CSMD1: variants seen among roughly 807,000 people sequenced by gnomAD.
The protein encoded by CSMD1 is CUB and Sushi multiple domains 1, also known as CUB and sushi domain-containing protein 1.
Under a neutral mutation model 417.5 loss-of-function variants are expected in CSMD1, and 213 were observed. That is an observed-to-expected ratio of 0.51 (90% CI 0.46 to 0.57). The LOEUF (loss-of-function observed/expected upper bound fraction) is 0.57. CSMD1 is among the 20% of genes least tolerant of loss of function. CSMD1 has a pLI of 0.00. For missense variants in CSMD1, 6,923 were observed against 4,529.7 expected (o/e 1.53, Z -15.17); for synonymous variants, 2,862 against 1,736.8 (o/e 1.65, Z -16.11).
intron 17 of CSMD1, among the ~76,000 whole-genome samples, chr8:3,390,003 G>C (rs1811250309): frequency 6.6e-6 from 1 of 152,096 alleles, no homozygotes; most frequent in African/African-American, 2.4e-5. Flanking sequence ...TCGATTTCCA[G>C]TTCAACTGAA....
chr8:4,334,652 A>T (rs931027833), intron 3 of CSMD1, among the ~76,000 whole-genome samples: 2 of 152,150 alleles, frequency 1.3e-5, no homozygotes, highest in African/African-American at 2.4e-5. Flanking sequence ...TATACCTTCT[A>T]TGGTTAGAGA....
intron 33 of CSMD1, among the ~76,000 whole-genome samples, chr8:3,193,543 A>G (rs1226168171): frequency 2.6e-5 from 4 of 151,910 alleles, no homozygotes; most frequent in Non-Finnish European, 5.9e-5. Context: ...CTTCACCTGG[A>G]CATTTCAGAC....
chr8:4,029,446 G>T (rs1451249225), intron 4 of CSMD1, among the ~76,000 whole-genome samples: 1 of 152,152 alleles, frequency 6.6e-6, no homozygotes, highest in Non-Finnish European at 1.5e-5. Flanking sequence ...ATAGCAGCAG[G>T]CAAAGTCAGC....
chr8:4,903,081 T>C (rs1313619670), intron 1 of CSMD1, among the ~76,000 whole-genome samples: 1 of 151,888 alleles, frequency 6.6e-6, no homozygotes, highest in Non-Finnish European at 1.5e-5. Context: ...GTATTAGATA[T>C]ACGCAGCCAT....
chr8:4,394,074 C>G (rs1296012117), intron 3 of CSMD1, among the ~76,000 whole-genome samples: 1 of 152,154 alleles, frequency 6.6e-6, no homozygotes, highest in African/African-American at 2.4e-5. Context: ...ATATCTGAAA[C>G]AAACTCCTCA....
At chr8:3,076,841 G>C (rs894495627) in intron 49 of CSMD1, among the ~76,000 whole-genome samples, 1 of 152,142 alleles carries the variant, frequency 6.6e-6, no homozygotes, top group African/African-American at 2.4e-5. Flanking sequence ...GAAGTGTGTT[G>C]TCTCATATGG....
chr8:3,278,150 A>G (rs1002835898), intron 26 of CSMD1, among the ~76,000 whole-genome samples: 1 of 152,220 alleles, frequency 6.6e-6, no homozygotes, highest in East Asian at 1.9e-4. Context: ...AGGAGGAACA[A>G]GAGAGAATAA....
At chr8:4,068,268 G>A (rs549952895) in intron 3 of CSMD1, among the ~76,000 whole-genome samples, 1 of 152,110 alleles carries the variant, frequency 6.6e-6, no homozygotes, top group Non-Finnish European at 1.5e-5. Context: ...CCTCCTCGGA[G>A]AGTTGAGAAG....
rs184841190 is a variant in CSMD1 at position 3,252,644 on chromosome 8, T to G, written c.4154-22413A>C. Among the ~76,000 whole-genome samples the G allele has an allele frequency of 6.5e-3, 992 of 152,298 alleles. 8 individuals carry two copies. The highest frequency in any genetic ancestry group is 0.022 in the African/African-American group (912 of 41,574). On this transcript the variant is annotated intron_variant, in intron 26 of 69. Transcript: ENST00000635120. ...TAGTTTCAGAAGGAATGGTAGCAGT[T>G]CCTCCTTATACCTCTGGTAGAATTT... is the stretch of plus-strand genomic sequence containing the variant.
intron 4 of CSMD1, among the ~76,000 whole-genome samples, chr8:4,007,938 T>C (rs144419257): frequency 1.2e-4 from 19 of 152,292 alleles, no homozygotes; most frequent in African/African-American, 3.6e-4. Flanking sequence ...CCTCAAGAAC[T>C]CTTAATAGAG....
intron 5 of CSMD1, among the ~76,000 whole-genome samples, chr8:3,934,798 A>G (rs568694977): frequency 1.3e-5 from 2 of 152,162 alleles, no homozygotes; most frequent in East Asian, 3.9e-4. Flanking sequence ...AGTGAGCCAA[A>G]ATCACGCCAC....
At chr8:3,354,994 G>A (rs1366082430) in intron 21 of CSMD1, among the ~76,000 whole-genome samples, 2 of 95,454 alleles carry the variant, frequency 2.1e-5, no homozygotes, top group African/African-American at 1.0e-4. Context: ...AATTAAACTA[G>A]ATATAAATTA....
intron 2 of CSMD1, among the ~76,000 whole-genome samples, chr8:4,462,192 T>G (rs1217669): frequency 0.11 from 17,390 of 152,096 alleles, 1,315 homozygotes; most frequent in East Asian, 0.3. Flanking sequence ...GCAATTGTAT[T>G]TATCCACAAT....
chr8:4,107,263 A>G (rs570184844), intron 3 of CSMD1, among the ~76,000 whole-genome samples: 2 of 152,200 alleles, frequency 1.3e-5, no homozygotes, highest in African/African-American at 2.4e-5. Context: ...CAGCTGATTC[A>G]AAGTGCTTGC....
chr8:3,328,856 C>G (rs1232371518), intron 23 of CSMD1, among the ~76,000 whole-genome samples: 1 of 152,204 alleles, frequency 6.6e-6, no homozygotes, highest in Non-Finnish European at 1.5e-5. Context: ...GCACTAAACT[C>G]TTAGTAATAT....
At chr8:4,379,707 G>A (rs373392296) in intron 3 of CSMD1, among the ~76,000 whole-genome samples, 40 of 87,370 alleles carry the variant, frequency 4.6e-4, no homozygotes, top group African/African-American at 1.4e-3. Context: ...ACAATGGCGG[G>A]AAGAGGGCAA....
intron 10 of CSMD1, among the ~76,000 whole-genome samples, chr8:3,574,217 A>C (rs1456939165): frequency 6.6e-6 from 1 of 152,214 alleles, no homozygotes; most frequent in African/African-American, 2.4e-5. Context: ...CATGAACTGT[A>C]GAAAACAATT....
intron 5 of CSMD1, among the ~76,000 whole-genome samples, chr8:3,786,988 G>T (rs951297154): frequency 6.6e-6 from 1 of 152,164 alleles, no homozygotes; most frequent in Non-Finnish European, 1.5e-5. Flanking sequence ...TTAGATGAGG[G>T]CATGGAAGCT....
At chr8:4,053,011 C>A (rs1171624361) in intron 3 of CSMD1, among the ~76,000 whole-genome samples, 2 of 152,134 alleles carry the variant, frequency 1.3e-5, no homozygotes, top group Non-Finnish European at 2.9e-5. Context: ...TGGCCTTATA[C>A]TTTAGCAAAG....
Sources: gnomAD v4.1 joint callset for allele counts (sites outside exome capture counted in the v4.1 genomes callset) on GRCh38, gnomAD v4.1.1 for gene constraint, MANE v1.5 for transcripts, NCBI Gene and HGNC (gene_info 2026-07-23, HGNC 2026-07-21) for gene names.